RAB38: variants seen among roughly 807,000 people sequenced by gnomAD.
The protein encoded by RAB38 is RAB38, member RAS oncogene family, also known as ras-related protein Rab-38.
In RAB38, 15 loss-of-function variants were observed where a neutral mutation model predicts 18.4. The ratio of observed to expected loss-of-function variants is 0.82; its 90% CI spans 0.55 to 1.26. RAB38 has a LOEUF of 1.26. Among genes scored for constraint, RAB38 ranks in the 50% most tolerant of loss-of-function variants. The pLI is 0.00. For missense variants in RAB38, 294 were observed against 267.4 expected, an observed-to-expected ratio of 1.10 and a Z score of -0.69; for synonymous variants, 101 against 104.4, an observed-to-expected ratio of 0.97 and a Z score of 0.20.
chr11:88,045,714 G>A, the RAB38 span, among the ~76,000 whole-genome samples: 3 of 152,216 alleles, frequency 2.0e-5, no homozygotes, highest in Admixed American at 1.3e-4. Context: ...AGATGCTTTA[G>A]GTGACTCTCA....
chr11:88,030,693 C>A, the RAB38 span, among the ~76,000 whole-genome samples: 1 of 152,200 alleles, frequency 6.6e-6, no homozygotes, highest in African/African-American at 2.4e-5. Context: ...AGTTGAATCT[C>A]TGAATAGACC....
the RAB38 span, among the ~76,000 whole-genome samples, chr11:88,083,953 C>A: frequency 6.6e-6 from 1 of 151,942 alleles, no homozygotes; most frequent in Non-Finnish European, 1.5e-5. Context: ...ACAGAAGGAT[C>A]TTTTTCTCTC....
the RAB38 span, among the ~76,000 whole-genome samples, chr11:87,823,302 G>A: frequency 6.6e-6 from 1 of 151,640 alleles, no homozygotes; most frequent in Non-Finnish European, 1.5e-5. Context: ...CAGGTTCGTA[G>A]ATTAAAAAAC....
the RAB38 span, among the ~76,000 whole-genome samples, chr11:88,063,086 C>T: frequency 6.6e-6 from 1 of 151,970 alleles, no homozygotes; most frequent in East Asian, 1.9e-4. Flanking sequence ...TCATGCCCTG[C>T]CTAAAGGTGA....
the RAB38 span, among the ~76,000 whole-genome samples, chr11:87,962,577 C>T: frequency 6.6e-6 from 1 of 152,100 alleles, no homozygotes; most frequent in Admixed American, 6.6e-5. Context: ...GATATATCCT[C>T]AGTTTCTCTC....
intron 1 of RAB38, among the ~76,000 whole-genome samples, chr11:88,152,107 T>C (rs1053830936): frequency 6.6e-6 from 1 of 152,212 alleles, no homozygotes; most frequent in Non-Finnish European, 1.5e-5. Context: ...GTGATCTCCT[T>C]TGATACTGCC....
the RAB38 span, among the ~76,000 whole-genome samples, chr11:88,062,738 A>G: frequency 1.1e-4 from 16 of 152,184 alleles, no homozygotes. Flanking sequence ...GTTTCCCACA[A>G]ACTAATTTTG....
At chr11:87,900,866 A>G in the RAB38 span, among the ~76,000 whole-genome samples, 1 of 151,552 alleles carries the variant, frequency 6.6e-6, no homozygotes, top group African/African-American at 2.4e-5. Flanking sequence ...GAAAGGGTGG[A>G]AAAAAAGGCA....
the RAB38 span, among the ~76,000 whole-genome samples, chr11:87,975,296 G>A: frequency 6.6e-6 from 1 of 151,790 alleles, no homozygotes; most frequent in African/African-American, 2.4e-5. Flanking sequence ...ATGAATTTTA[G>A]GCGGATACGA....
the RAB38 span, among the ~76,000 whole-genome samples, chr11:87,841,662 T>C: frequency 1.3e-5 from 2 of 152,304 alleles, no homozygotes; most frequent in East Asian, 3.9e-4. Flanking sequence ...AGAAACAGTC[T>C]TGAGTTTCAG....
At chr11:88,015,226 A>G in the RAB38 span, among the ~76,000 whole-genome samples, 37 of 152,162 alleles carry the variant, frequency 2.4e-4, no homozygotes, top group Non-Finnish European at 4.9e-4. Flanking sequence ...AGAAATGAGA[A>G]GCTTTAGCTT....
At chr11:88,172,630 G>A (rs966418776) in intron 1 of RAB38, among the ~76,000 whole-genome samples, 16 of 152,194 alleles carry the variant, frequency 1.1e-4, no homozygotes, top group Admixed American at 9.2e-4. Context: ...ACGGAGAGAT[G>A]CATTCTTATC....
chr11:87,893,371 C>CATATATATATATATGT, the RAB38 span, among the ~76,000 whole-genome samples: 309 of 86,410 alleles, frequency 3.6e-3, 1 homozygote, highest in African/African-American at 0.013. Context: ...ATATATTTTA[C>CATATATATATATATGT]ATATATATAT....
the RAB38 span, among the ~76,000 whole-genome samples, chr11:87,905,178 A>G: frequency 6.6e-6 from 1 of 151,610 alleles, no homozygotes; most frequent in Non-Finnish European, 1.5e-5. Context: ...TGAATTTGTT[A>G]TTTTAGATAT....
At chr11:87,902,613 C>T in the RAB38 span, among the ~76,000 whole-genome samples, 3 of 151,470 alleles carry the variant, frequency 2.0e-5, no homozygotes, top group Non-Finnish European at 4.4e-5. Context: ...AGTCACTTAT[C>T]AACAATACCT....
the RAB38 span, among the ~76,000 whole-genome samples, chr11:87,941,880 A>G: frequency 6.6e-6 from 1 of 151,784 alleles, no homozygotes; most frequent in Non-Finnish European, 1.5e-5. Context: ...AGACACAGAG[A>G]CTCCCTTACC....
the RAB38 span, among the ~76,000 whole-genome samples, chr11:87,935,410 C>T: frequency 6.6e-6 from 1 of 152,130 alleles, no homozygotes; most frequent in African/African-American, 2.4e-5. Flanking sequence ...CATCCTTTCT[C>T]ATTTCAGACC....
At chr11:88,065,116 C>T in the RAB38 span, among the ~76,000 whole-genome samples, 3 of 152,144 alleles carry the variant, frequency 2.0e-5, no homozygotes, top group Non-Finnish European at 4.4e-5. Flanking sequence ...GCAGCATTTC[C>T]CTCACAGATC....
the RAB38 span, chr11:87,816,149 T>G: frequency 6.6e-6 from 1 of 152,290 alleles, no homozygotes; most frequent in African/African-American, 2.4e-5. Context: ...TTTGCATATT[T>G]TGGTCATTAG....
Sources: allele counts gnomAD v4.1 joint callset (sites outside exome capture counted in the v4.1 genomes callset), GRCh38; gene constraint gnomAD v4.1.1; transcripts MANE v1.5; gene names NCBI Gene and HGNC (gene_info 2026-07-23, HGNC 2026-07-21).